The following CAMK2D variants were observed in gnomAD, a reference collection of about 807,000 sequenced individuals.
CAMK2D encodes calcium/calmodulin dependent protein kinase II delta, also known as calcium/calmodulin-dependent protein kinase type II subunit delta.
A neutral mutation model predicts 84.0 loss-of-function variants in CAMK2D; 37 were observed. The observed-to-expected ratio is 0.44, with a 90% CI of 0.34 to 0.58. The LOEUF is 0.58. Ranked by LOEUF, CAMK2D falls within the 20% of genes least tolerant of loss-of-function variation. The pLI is 0.02. For synonymous variants in CAMK2D, 202 were observed against 212.5 expected (o/e 0.95, Z 0.43); for missense variants, 448 against 652.5 (o/e 0.69, Z 3.41).
rs571650391 is a variant in CAMK2D, at chr4:113,673,530, A to T, written c.161-11758T>A. 2.6e-4 allele frequency among the ~76,000 whole-genome samples: 40 copies of T among 152,370 alleles called. No homozygotes were observed. In the South Asian group the frequency reaches 8.1e-3, roughly 31 times the overall value. On this transcript the variant is annotated intron_variant, in intron 2 of 20. Coordinates refer to ENST00000511664, the MANE Select transcript of CAMK2D (RefSeq NM_001321571.2). ...AAAACATCCAGCCAGGGGCGGCATGACTATCAGAGGAACTATACCCAGAGG... is the reference window on the plus strand; with the variant it reads ...AAAACATCCAGCCAGGGGCGGCATGTCTATCAGAGGAACTATACCCAGAGG...
At chr4:113,693,137 C>A (rs2099393145) in intron 2 of CAMK2D, among the ~76,000 whole-genome samples, 1 of 152,070 alleles carries the variant, frequency 6.6e-6, no homozygotes, top group Non-Finnish European at 1.5e-5. Context: ...GAATGGAAGG[C>A]AAGAAGTATT....
At chr4:113,559,159 C>G (rs533029014) in intron 4 of CAMK2D, among the ~76,000 whole-genome samples, 1 of 151,224 alleles carries the variant, frequency 6.6e-6, no homozygotes, top group Non-Finnish European at 1.5e-5. Context: ...CTAAAGATAA[C>G]AAGAATATTT....
intron 6 of CAMK2D, among the ~76,000 whole-genome samples, chr4:113,546,697 A>G (rs942581334): frequency 5.9e-5 from 9 of 152,244 alleles, no homozygotes; most frequent in Non-Finnish European, 1.3e-4. Flanking sequence ...CCTAATGCCT[A>G]GAAAATGCTG....
chr4:113,690,238 T>A (rs564949156), intron 2 of CAMK2D, among the ~76,000 whole-genome samples: 1 of 152,308 alleles, frequency 6.6e-6, no homozygotes, highest in South Asian at 2.1e-4. Flanking sequence ...CCTACCTCCA[T>A]TCCTGAATTC....
chr4:113,507,813 A>G (rs2098150310), intron 13 of CAMK2D, among the ~76,000 whole-genome samples: 2 of 152,284 alleles, frequency 1.3e-5, no homozygotes, highest in Admixed American at 6.5e-5. Flanking sequence ...GGATTGGTAC[A>G]TTGTAAGATC....
intron 4 of CAMK2D, among the ~76,000 whole-genome samples, chr4:113,564,531 A>G (rs1160258451): frequency 1.3e-5 from 2 of 152,146 alleles, no homozygotes; most frequent in Non-Finnish European, 2.9e-5. Context: ...CCATCTGCTT[A>G]TATACCCATA....
intron 2 of CAMK2D, among the ~76,000 whole-genome samples, chr4:113,702,849 T>C (rs1474697814): frequency 1.3e-5 from 2 of 152,156 alleles, no homozygotes; most frequent in Non-Finnish European, 2.9e-5. Flanking sequence ...CAGTGAGCTG[T>C]GATTGTGCAA....
At chr4:113,721,708 T>A (rs1034994750) in intron 2 of CAMK2D, among the ~76,000 whole-genome samples, 1 of 152,172 alleles carries the variant, frequency 6.6e-6, no homozygotes, top group African/African-American at 2.4e-5. Context: ...TTCTAACAAA[T>A]GAGGACTGCC....
chr4:113,758,056 T>C (rs552567560), intron 2 of CAMK2D, among the ~76,000 whole-genome samples: 256 of 152,308 alleles, frequency 1.7e-3, no homozygotes, highest in African/African-American at 6.0e-3. Flanking sequence ...ACTGAAAGAT[T>C]CTAACTACAC....
chr4:113,700,770 A>G (rs573113112), intron 2 of CAMK2D, among the ~76,000 whole-genome samples: 5 of 152,292 alleles, frequency 3.3e-5, no homozygotes, highest in African/African-American at 1.2e-4. Flanking sequence ...GAATAGGCTC[A>G]GCTGTGTCTG....
intron 2 of CAMK2D, among the ~76,000 whole-genome samples, chr4:113,746,647 G>C (rs2099604765): frequency 6.6e-6 from 1 of 151,988 alleles, no homozygotes; most frequent in African/African-American, 2.4e-5. Context: ...TCAACCCAAG[G>C]AAATTTTTCC....
chr4:113,500,624 C>T, intron 15 of CAMK2D, 113 bp from the exon 16 acceptor site: 2 of 574,370 alleles, frequency 3.5e-6, no homozygotes, highest in Non-Finnish European at 6.2e-6. Context: ...AGGCTATGTG[C>T]ATATGCTGAC....
intron 2 of CAMK2D, among the ~76,000 whole-genome samples, chr4:113,663,520 T>C (rs1476781731): frequency 6.6e-6 from 1 of 151,706 alleles, no homozygotes; most frequent in East Asian, 1.9e-4. Context: ...ACCCGGGAGA[T>C]GGATGTTGCA....
rs527293953 is a variant in CAMK2D, at chr4:113,755,033, C to T, written c.160+4287G>A. On this transcript the variant is annotated intron_variant, in intron 2 of 20. Coordinates refer to ENST00000511664, the MANE Select transcript of CAMK2D (RefSeq NM_001321571.2). Reference sequence around the variant, plus strand: ...ATCCATCTACATAGTCTCAGTTCTACTTCCAATTCAAGACAAGTAACCATG... The same window carrying T: ...ATCCATCTACATAGTCTCAGTTCTATTTCCAATTCAAGACAAGTAACCATG... 34 of 984,424 alleles carry T rather than the reference C, an allele frequency of 3.5e-5. No individual in the cohort carries two copies. The African/African-American group carries it at 4.4e-4, about 13-fold the overall frequency. The allele number at this position is 984,424 out of a possible 1,614,324, so 61.0% of individuals were successfully genotyped here.
At chr4:113,744,348 T>C (rs1336040452) in intron 2 of CAMK2D, among the ~76,000 whole-genome samples, 1 of 152,200 alleles carries the variant, frequency 6.6e-6, no homozygotes, top group Admixed American at 6.5e-5. Flanking sequence ...AATTCTGCCA[T>C]ATGGGAAATC....
In CAMK2D at chr4:113,623,262, C is replaced by A. The variant is rs191692698; in HGVS notation, c.221-14056G>T. On this transcript the variant is annotated intron_variant, in intron 3 of 20. Transcript: ENST00000511664. ...AACTGGCTTTGGCATCTTGCTAGTTCTCTCATTAGTAAAGTATTCTGTGAT... is the reference window on the plus strand; with the variant it reads ...AACTGGCTTTGGCATCTTGCTAGTTATCTCATTAGTAAAGTATTCTGTGAT... Among the ~76,000 whole-genome samples the A allele has an allele frequency of 3.0e-3, 459 of 152,074 alleles. 5 individuals carry two copies. Among genetic ancestry groups the A allele is most frequent in the African/African-American group, 0.011 (445 of 41,488 alleles).
At chr4:113,478,808 T>C (rs1400439988) in intron 16 of CAMK2D, among the ~76,000 whole-genome samples, 1 of 152,196 alleles carries the variant, frequency 6.6e-6, no homozygotes, top group Non-Finnish European at 1.5e-5. Flanking sequence ...AAAACATTAT[T>C]TTCTCCAGTG....
chr4:113,524,211 G>C (rs2098399058), intron 8 of CAMK2D, among the ~76,000 whole-genome samples: 1 of 152,096 alleles, frequency 6.6e-6, no homozygotes. Context: ...GTAGTACTAA[G>C]TACATTTACA....
chr4:113,593,298 A>G (rs2098902272), intron 4 of CAMK2D, among the ~76,000 whole-genome samples: 2 of 152,364 alleles, frequency 1.3e-5, no homozygotes, highest in South Asian at 4.1e-4. Flanking sequence ...TAGATCTGCC[A>G]TAGAAGTGAG....
Sources: allele counts gnomAD v4.1 joint callset (sites outside exome capture counted in the v4.1 genomes callset), GRCh38; gene constraint gnomAD v4.1.1; transcripts MANE v1.5; gene names NCBI Gene and HGNC (gene_info 2026-07-23, HGNC 2026-07-21).